Variants in SLC24A2 observed in about 807,000 individuals in gnomAD.
The protein encoded by SLC24A2 is solute carrier family 24 member 2.
SLC24A2 carries 36 observed loss-of-function variants against 62.0 expected under a neutral mutation model. The observed-to-expected ratio is 0.58, with a 90% CI of 0.44 to 0.77. The LOEUF is 0.77. SLC24A2 is among the 30% of genes least tolerant of loss of function. The pLI, the probability that SLC24A2 is intolerant of heterozygous loss-of-function variation, is 0.00. For synonymous variants in SLC24A2, 358 were observed against 294.0 expected, an observed-to-expected ratio of 1.22 and a Z score of -2.23; for missense variants, 846 against 817.9, an observed-to-expected ratio of 1.03 and a Z score of -0.42.
rs1409219629 is a variant in SLC24A2 at position 19,513,086 on chromosome 9, A to AATGTGAT, written c.*3060_*3066dup. ...TGATGCTCCCTGCTTTAGAATCCTG[A>AATGTGAT]ATGTGATAGGGTCAGAGGGTGATGA... On this transcript the variant is annotated 3_prime_UTR_variant, in exon 11 of 11. Coordinates refer to ENST00000341998, the MANE Select transcript of SLC24A2 (RefSeq NM_020344.4). 1.3e-5 allele frequency: 2 copies of AATGTGAT among 149,490 alleles called. No homozygotes were observed. The highest frequency in any genetic ancestry group is 4.9e-5 in the African/African-American group (2 of 40,448). The allele number at this position is 149,490 out of a possible 1,614,324, so 9.3% of individuals were successfully genotyped here. A position where few individuals can be genotyped will look rare whatever the true frequency, so the allele number is the denominator to read the frequency against.
chr9:20,257,080 G>A, the SLC24A2 span, among the ~76,000 whole-genome samples: 24 of 152,212 alleles, frequency 1.6e-4, no homozygotes, highest in Non-Finnish European at 2.8e-4. Context: ...CTTTCAGCTC[G>A]TGTAAATGAG....
chr9:19,585,203 T>TAAC (rs746059279), intron 5 of SLC24A2, among the ~76,000 whole-genome samples: 1 of 152,232 alleles, frequency 6.6e-6, no homozygotes, highest in Non-Finnish European at 1.5e-5. Context: ...ATTCTGAAAG[T>TAAC]AACACCTGTC....
the SLC24A2 span, among the ~76,000 whole-genome samples, chr9:20,174,016 A>G: frequency 6.6e-6 from 1 of 152,138 alleles, no homozygotes; most frequent in East Asian, 1.9e-4. Context: ...AGACCAATGT[A>G]ACAGAATAGA....
At chr9:19,947,396 AAGGGAAGG>A in the SLC24A2 span, among the ~76,000 whole-genome samples, 5 of 150,672 alleles carry the variant, frequency 3.3e-5, no homozygotes, top group Admixed American at 2.6e-4. Flanking sequence ...AAGAAGAAAG[AAGGGAAGG>A]AAGGAAGGAG....
At chr9:20,074,499 A>T in the SLC24A2 span, among the ~76,000 whole-genome samples, 5 of 151,326 alleles carry the variant, frequency 3.3e-5, no homozygotes, top group East Asian at 5.9e-4. Context: ...ATAATTTGGC[A>T]GTTCTTATTA....
the SLC24A2 span, among the ~76,000 whole-genome samples, chr9:19,887,884 A>G: frequency 6.6e-6 from 1 of 152,232 alleles, no homozygotes. Context: ...GGAGACTATT[A>G]AGTGAAGTAA....
At chr9:19,667,155 G>A (rs1819278200) in intron 2 of SLC24A2, among the ~76,000 whole-genome samples, 1 of 152,118 alleles carries the variant, frequency 6.6e-6, no homozygotes, top group Admixed American at 6.5e-5. Context: ...ATAAAACCTT[G>A]AGTTAAGGAT....
At chr9:20,169,786 C>A in the SLC24A2 span, among the ~76,000 whole-genome samples, 4 of 151,750 alleles carry the variant, frequency 2.6e-5, no homozygotes, top group Admixed American at 6.6e-5. Flanking sequence ...GACACCCCCC[C>A]AAAAAATCAC....
rs1823265885 is a variant in SLC24A2, at chr9:19,789,017, G to C, written c.-286C>G. ...CACTGGCTGCCGCTCTCGCCAGCCG[G>C]GCTGGGTTCGGGAGGAGACTGAGCC... On this transcript the variant is annotated 5_prime_UTR_variant, in exon 1 of 11. Transcript: ENST00000341998. 1 of 925,954 alleles carries C rather than the reference G, an allele frequency of 1.1e-6. No individual in the cohort carries two copies. The highest frequency in any genetic ancestry group is 1.3e-6 in the Non-Finnish European group (1 of 775,678). 57.4% of individuals were successfully genotyped at this position (925,954 alleles called of 1,614,324 possible).
the SLC24A2 span, among the ~76,000 whole-genome samples, chr9:20,252,412 T>C: frequency 6.6e-6 from 1 of 152,190 alleles, no homozygotes; most frequent in Non-Finnish European, 1.5e-5. Flanking sequence ...GTCTGGTGTC[T>C]CATGGCTAGC....
chr9:19,683,898 T>C (rs1377038225), intron 2 of SLC24A2, among the ~76,000 whole-genome samples: 1 of 152,128 alleles, frequency 6.6e-6, no homozygotes, highest in African/African-American at 2.4e-5. Context: ...TCTTACTTCC[T>C]GGCAGTTCCT....
At chr9:19,519,790 A>G (rs2132632823) in intron 10 of SLC24A2, among the ~76,000 whole-genome samples, 1 of 152,346 alleles carries the variant, frequency 6.6e-6, no homozygotes, top group South Asian at 2.1e-4. Context: ...AGGGTAAGTC[A>G]GAGTTTTCCA....
chr9:20,218,745 G>A, the SLC24A2 span, among the ~76,000 whole-genome samples: 1 of 152,134 alleles, frequency 6.6e-6, no homozygotes, highest in Non-Finnish European at 1.5e-5. Flanking sequence ...TCTCTGCTAT[G>A]TAACAAATCA....
At chr9:20,050,526 G>A in the SLC24A2 span, among the ~76,000 whole-genome samples, 1 of 152,242 alleles carries the variant, frequency 6.6e-6, no homozygotes, top group East Asian at 1.9e-4. Flanking sequence ...AAAGACAGAG[G>A]AATAGAGACC....
At position 19,760,155 on chromosome 9, in the gene SLC24A2, C is replaced by A. The variant is rs1007907; in HGVS notation, c.930+25782G>T. 3.9e-5 allele frequency among the ~76,000 whole-genome samples: 6 copies of A among 151,970 alleles called. No individual in the cohort carries two copies. In the East Asian group the frequency reaches 7.8e-4, roughly 20 times the overall value. On this transcript the variant is annotated intron_variant, in intron 2 of 10. Transcript: ENST00000341998. ...TCTCCAAGTCCCACCAAGACATTCA[C>A]CCATTACCTGTAGCTGGGCAATCAC...
the SLC24A2 span, among the ~76,000 whole-genome samples, chr9:19,951,012 G>A: frequency 1.3e-5 from 2 of 152,146 alleles, no homozygotes; most frequent in Non-Finnish European, 2.9e-5. Flanking sequence ...GTAGAGCTGG[G>A]ATGTTCTCCA....
At chr9:19,972,772 A>G in the SLC24A2 span, among the ~76,000 whole-genome samples, 6 of 152,358 alleles carry the variant, frequency 3.9e-5, no homozygotes, top group African/African-American at 1.4e-4. Context: ...AAGAAATACA[A>G]TTTGGGAAGT....
At chr9:20,085,338 T>G in the SLC24A2 span, among the ~76,000 whole-genome samples, 1 of 152,208 alleles carries the variant, frequency 6.6e-6, no homozygotes, top group Non-Finnish European at 1.5e-5. Context: ...AAGGCTTTAA[T>G]TATTAATGAA....
chr9:19,563,824 TCCTCCCTCCCTCCCTC>T lies in SLC24A2; in HGVS notation c.1347+9511_1347+9526del, dbSNP rs1195536577. On this transcript the variant is annotated intron_variant, in intron 7 of 10. Coordinates refer to ENST00000341998, the MANE Select transcript of SLC24A2 (RefSeq NM_020344.4). ...TTCCTTCCTTCCTTCCTTCCTTCCT[TCCTCCCTCCCTCCCTC>T]CCTCCCTCCCTCCCTCCCTCCCTCC... Among the ~76,000 whole-genome samples, 255 of 76,564 alleles carry T rather than the reference TCCTCCCTCCCTCCCTC, an allele frequency of 3.3e-3. 6 individuals are homozygous for T. Among genetic ancestry groups the T allele is most frequent in the Non-Finnish European group, 3.7e-3 (154 of 41,976 alleles). The allele number at this position is 76,564 out of a possible 152,430, so 50.2% of individuals were successfully genotyped here.
Sources: gnomAD v4.1 joint callset for allele counts (sites outside exome capture counted in the v4.1 genomes callset) on GRCh38, gnomAD v4.1.1 for gene constraint, MANE v1.5 for transcripts, NCBI Gene and HGNC (gene_info 2026-07-23, HGNC 2026-07-21) for gene names.